CCDC60: variants seen among roughly 807,000 people sequenced by gnomAD.
CCDC60 encodes coiled-coil domain containing 60, also known as coiled-coil domain-containing protein 60.
CCDC60 carries 54 observed loss-of-function variants against 63.5 expected under a neutral mutation model. The observed-to-expected ratio is 0.85, with a 90% CI of 0.68 to 1.07. The LOEUF (loss-of-function observed/expected upper bound fraction) is 1.07, where lower values mean the gene tolerates loss of function less well. Ranked by LOEUF, CCDC60 falls within the 50% of genes least tolerant of loss-of-function variation. The probability of loss-of-function intolerance (pLI) is 0.00; values close to 1 mark genes in which losing one functional copy is unlikely to be tolerated. For synonymous variants in CCDC60, 206 were observed against 238.8 expected (o/e 0.86, Z 1.27); for missense variants, 651 against 684.3 (o/e 0.95, Z 0.54).
rs1956010228 is a variant in CCDC60, at chr12:119,381,813, T to C, written c.90+46547T>C. Among the ~76,000 whole-genome samples, 4 of 152,326 alleles carry C rather than the reference T, an allele frequency of 2.6e-5. No homozygotes were observed. The South Asian group carries it at 8.3e-4, about 32-fold the overall frequency. ...CCAAAGTCTCAGTGCTCCAAACTTATGAGAAGGATTTCTTATCTCAGACCC... is the reference window on the plus strand; with the variant it reads ...CCAAAGTCTCAGTGCTCCAAACTTACGAGAAGGATTTCTTATCTCAGACCC... On this transcript the variant is annotated intron_variant, in intron 1 of 13. Coordinates refer to ENST00000327554, the MANE Select transcript of CCDC60 (RefSeq NM_178499.5).
At chr12:119,453,586 A>G (rs910841639) in intron 2 of CCDC60, among the ~76,000 whole-genome samples, 6 of 152,166 alleles carry the variant, frequency 3.9e-5, no homozygotes, top group Non-Finnish European at 8.8e-5. Flanking sequence ...AAATAATTGT[A>G]ATCTAATTAG....
At chr12:119,448,468 A>T (rs375058007) in intron 2 of CCDC60, among the ~76,000 whole-genome samples, 2 of 152,184 alleles carry the variant, frequency 1.3e-5, no homozygotes, top group Admixed American at 6.5e-5. Context: ...TAGGAATTAC[A>T]TGATGTAACC....
Position 119,351,842 on chromosome 12 carries a change from G to A in CCDC60, c.90+16576G>A, listed in dbSNP as rs141035151. Among the ~76,000 whole-genome samples the A allele has an allele frequency of 1.6e-3, 248 of 152,234 alleles. 8 individuals carry two copies. In the East Asian group the frequency reaches 0.041, roughly 25 times the overall value. On this transcript the variant is annotated intron_variant, in intron 1 of 13. Transcript: ENST00000327554. Reference sequence around the variant, plus strand: ...GTTCCAAACTTTCCCTCATCTTTCTGTCTTGTTCTGAGCCCTCCAAACTGT... The same window carrying A: ...GTTCCAAACTTTCCCTCATCTTTCTATCTTGTTCTGAGCCCTCCAAACTGT...
intron 1 of CCDC60, among the ~76,000 whole-genome samples, chr12:119,388,844 A>G (rs1203335079): frequency 1.3e-5 from 2 of 152,148 alleles, no homozygotes; most frequent in East Asian, 3.9e-4. Flanking sequence ...GGTGTGCTTC[A>G]GAACAAAAGT....
At chr12:119,451,488 T>G (rs1440129249) in intron 2 of CCDC60, among the ~76,000 whole-genome samples, 3 of 149,318 alleles carry the variant, frequency 2.0e-5, no homozygotes, top group Non-Finnish European at 3.0e-5. Context: ...TTTCCCCATC[T>G]GCAAAATGGG....
At chr12:119,511,450 G>C (rs977214901) in intron 7 of CCDC60, among the ~76,000 whole-genome samples, 1 of 152,144 alleles carries the variant, frequency 6.6e-6, no homozygotes, top group Admixed American at 6.5e-5. Flanking sequence ...TCCTCCTGCT[G>C]GTCTTGAAGC....
chr12:119,516,877 T>C (rs1952369027), intron 8 of CCDC60, among the ~76,000 whole-genome samples, 170 bp downstream of exon 8: 1 of 152,214 alleles, frequency 6.6e-6, no homozygotes, highest in Non-Finnish European at 1.5e-5. Context: ...TAGGTACTAT[T>C]ATCTTTATTT....
chr12:119,517,723 G>C (rs1294960251), intron 8 of CCDC60, among the ~76,000 whole-genome samples: 2 of 152,162 alleles, frequency 1.3e-5, no homozygotes, highest in Admixed American at 6.5e-5. Context: ...CAAGGATTCT[G>C]GTTTTTATTC....
At chr12:119,402,951 AT>A (rs1296774492) in intron 1 of CCDC60, among the ~76,000 whole-genome samples, 1 of 152,206 alleles carries the variant, frequency 6.6e-6, no homozygotes, top group Non-Finnish European at 1.5e-5. Context: ...GAGAAAACTA[AT>A]TATCTAAGAT....
At chr12:119,525,288 G>A (rs1952652598) in intron 11 of CCDC60, among the ~76,000 whole-genome samples, 1 of 152,100 alleles carries the variant, frequency 6.6e-6, no homozygotes, top group African/African-American at 2.4e-5. Flanking sequence ...GTCAAATTCA[G>A]GAAATACAGA....
intron 1 of CCDC60, among the ~76,000 whole-genome samples, chr12:119,345,410 G>A (rs1307410406): frequency 1.3e-5 from 2 of 152,076 alleles, no homozygotes; most frequent in Non-Finnish European, 2.9e-5. Flanking sequence ...GCTGAGGCAG[G>A]AGAATCACTT....
At position 119,500,225 on chromosome 12, in the gene CCDC60, G is replaced by A; in HGVS notation, c.648+57G>A. The A allele has an allele frequency of 1.2e-5, 14 of 1,192,590 alleles. No individual in the cohort carries two copies. In the South Asian group the frequency reaches 1.7e-4, roughly 15 times the overall value. The allele number at this position is 1,192,590 out of a possible 1,614,324, so 73.9% of individuals were successfully genotyped here. On this transcript the variant is annotated intron_variant, in intron 6 of 13. Transcript: ENST00000327554. ...CTCCTAGGTCCCAGCTTGTGTTGAG[G>A]AGTATTTTTGCCAGTCTTTTCTCTG...
intron 5 of CCDC60, among the ~76,000 whole-genome samples, chr12:119,497,670 A>AGGCTGGAGGCTCAGCAGG (rs1255865208): frequency 1.3e-5 from 2 of 152,118 alleles, no homozygotes; most frequent in Non-Finnish European, 2.9e-5. Context: ...TTCGAGAAGA[A>AGGCTGGAGGCTCAGCAGG]GGCTGGAGGC....
intron 2 of CCDC60, among the ~76,000 whole-genome samples, chr12:119,457,723 G>GA (rs1555245690): frequency 0.041 from 6,241 of 152,044 alleles, 439 homozygotes; most frequent in African/African-American, 0.14. Flanking sequence ...TGGCGGGGGG[G>GA]AGAATAATAC....
intron 13 of CCDC60, among the ~76,000 whole-genome samples, chr12:119,538,357 AC>A (rs1353895625): frequency 6.6e-6 from 1 of 152,034 alleles, no homozygotes; most frequent in Non-Finnish European, 1.5e-5. Flanking sequence ...AAAACCCCCA[AC>A]CCCTTGCACT....
intron 1 of CCDC60, among the ~76,000 whole-genome samples, chr12:119,361,083 G>C (rs1473459675): frequency 6.6e-6 from 1 of 151,782 alleles, no homozygotes; most frequent in African/African-American, 2.4e-5. Flanking sequence ...CGAGATGGCA[G>C]CAGTATAGTC....
At chr12:119,336,250 A>T (rs1387386468) in intron 1 of CCDC60, among the ~76,000 whole-genome samples, 5 of 151,286 alleles carry the variant, frequency 3.3e-5, no homozygotes, top group African/African-American at 9.8e-5. Flanking sequence ...ATAATAATAC[A>T]AAAAAAGGAA....
intron 2 of CCDC60, among the ~76,000 whole-genome samples, chr12:119,464,050 A>AT (rs923060453): frequency 1.5e-5 from 2 of 129,724 alleles, no homozygotes; most frequent in African/African-American, 3.0e-5. Flanking sequence ...CCTCCCTCCC[A>AT]TTTTCCCTTC....
rs1952792608 is a variant in CCDC60, at chr12:119,530,014, T to C, written c.1362-860T>C. ...TTCATTCATCCAATTACTCATTCAG[T>C]TTTTCAAATGATAGTTATTGAGCAC... is the stretch of plus-strand genomic sequence containing the variant. On this transcript the variant is annotated intron_variant, in intron 12 of 13. Transcript: ENST00000327554. Among the ~76,000 whole-genome samples, 3 of 152,244 alleles carry C rather than the reference T, an allele frequency of 2.0e-5. No homozygotes were observed. In the South Asian group the frequency reaches 6.2e-4, roughly 32 times the overall value.
Sources: gnomAD v4.1 joint callset for allele counts (sites outside exome capture counted in the v4.1 genomes callset) on GRCh38, gnomAD v4.1.1 for gene constraint, MANE v1.5 for transcripts, NCBI Gene and HGNC (gene_info 2026-07-23, HGNC 2026-07-21) for gene names.